LHFPL6: variants seen among roughly 807,000 people sequenced by gnomAD.
LHFPL6 encodes LHFPL tetraspan subfamily member 6 protein.
Under a neutral mutation model 20.6 loss-of-function variants are expected in LHFPL6, and 9 were observed. The observed-to-expected ratio is 0.44, with a 90% CI of 0.26 to 0.76. LHFPL6 has a LOEUF of 0.76. Among genes scored for constraint, LHFPL6 ranks in the 30% least tolerant of loss-of-function variants. LHFPL6 has a pLI of 0.20. For missense variants in LHFPL6, 218 were observed against 253.5 expected (o/e 0.86, Z 0.95); for synonymous variants, 105 against 98.7 (o/e 1.06, Z -0.38).
intron 2 of LHFPL6, among the ~76,000 whole-genome samples, chr13:39,422,015 A>G (rs1318696981): frequency 6.6e-6 from 1 of 152,164 alleles, no homozygotes; most frequent in Non-Finnish European, 1.5e-5. Flanking sequence ...TATTGTTGCT[A>G]CCATTACTAT....
chr13:39,583,684 G>A (rs1365511865), intron 2 of LHFPL6, among the ~76,000 whole-genome samples: 4 of 152,132 alleles, frequency 2.6e-5, no homozygotes, highest in East Asian at 1.9e-4. Flanking sequence ...ACTCTTCCAC[G>A]GTTTGCCTAA....
chr13:39,563,091 AACACACACACACACACACACACAC>A (rs60324329), intron 2 of LHFPL6, among the ~76,000 whole-genome samples: 96 of 135,870 alleles, frequency 7.1e-4, no homozygotes, highest in Admixed American at 3.2e-3. Context: ...CAATACTAGA[AACACACACACACACACACACACAC>A]ACACACACAC....
chr13:39,507,893 T>C (rs7983519), intron 2 of LHFPL6, among the ~76,000 whole-genome samples: 6 of 103,354 alleles, frequency 5.8e-5, no homozygotes, highest in African/African-American at 1.0e-4. Context: ...TCCCCTCCCT[T>C]CCTTCCTTCC....
intron 2 of LHFPL6, among the ~76,000 whole-genome samples, chr13:39,389,757 T>A (rs1870657004): frequency 6.6e-6 from 1 of 152,284 alleles, no homozygotes; most frequent in East Asian, 1.9e-4. Flanking sequence ...AAGCAAACTA[T>A]TTGAGGGAAA....
chr13:39,572,285 ACT>A (rs149000611), intron 2 of LHFPL6, among the ~76,000 whole-genome samples: 2 of 123,228 alleles, frequency 1.6e-5, no homozygotes, highest in African/African-American at 6.5e-5. Context: ...TATTTTTTAA[ACT>A]CTGTGTGTGT....
intron 2 of LHFPL6, among the ~76,000 whole-genome samples, chr13:39,598,588 C>A (rs1872836894): frequency 6.6e-6 from 1 of 152,038 alleles, no homozygotes; most frequent in African/African-American, 2.4e-5. Flanking sequence ...CAGAGTCTTG[C>A]TCTGTCGCCC....
Position 39,376,446 on chromosome 13 carries a change from T to C in LHFPL6, c.484+1982A>G, listed in dbSNP as rs147682360. On this transcript the variant is annotated intron_variant, in intron 3 of 3. Transcript: ENST00000379589. ...AGAGGGAAGAATAGGTAAAAGGAAA[T>C]CTCTTATTTGTTTTATCCATGCAAA... Among the ~76,000 whole-genome samples the C allele has an allele frequency of 4.6e-4, 70 of 152,234 alleles. 1 individual carries two copies. The highest frequency in any genetic ancestry group is 1.6e-3 in the African/African-American group (65 of 41,528).
chr13:39,545,393 C>T (rs1404487604), intron 2 of LHFPL6, among the ~76,000 whole-genome samples: 1 of 152,062 alleles, frequency 6.6e-6, no homozygotes, highest in Admixed American at 6.5e-5. Flanking sequence ...TAAAATGCAT[C>T]ACTTTTACAC....
At chr13:39,389,993 C>T (rs1345872033) in intron 2 of LHFPL6, among the ~76,000 whole-genome samples, 8 of 152,244 alleles carry the variant, frequency 5.3e-5, no homozygotes, top group Admixed American at 5.2e-4. Flanking sequence ...ACCAACACAT[C>T]AAGAGCACAA....
In LHFPL6 at chr13:39,536,274, A is replaced by G. The variant is rs143411201; in HGVS notation, c.385+64558T>C. ...CAAGTGATTGCTATGAAGGTAGGGG[A>G]AAAAGAATGCAGAGAAGGAGGAGTC... On this transcript the variant is annotated intron_variant, in intron 2 of 3. Transcript: ENST00000379589. Among the ~76,000 whole-genome samples, 3 of 152,290 alleles carry G rather than the reference A, an allele frequency of 2.0e-5. No individual in the cohort carries two copies. The East Asian group carries it at 5.8e-4, about 29-fold the overall frequency.
At chr13:39,590,639 A>T (rs1381693517) in intron 2 of LHFPL6, among the ~76,000 whole-genome samples, 1 of 152,214 alleles carries the variant, frequency 6.6e-6, no homozygotes, top group Non-Finnish European at 1.5e-5. Flanking sequence ...AACAGTGATG[A>T]CTTTGTGTGG....
intron 2 of LHFPL6, among the ~76,000 whole-genome samples, chr13:39,477,027 C>T (rs1873100579): frequency 6.6e-6 from 1 of 152,206 alleles, no homozygotes; most frequent in Non-Finnish European, 1.5e-5. Context: ...GAGGTTTTGA[C>T]ATTTTATAAA....
At chr13:39,485,181 G>GA (rs1351327032) in intron 2 of LHFPL6, among the ~76,000 whole-genome samples, 6 of 152,088 alleles carry the variant, frequency 3.9e-5, no homozygotes, top group African/African-American at 1.4e-4. Context: ...AAATCAGCGG[G>GA]AAAAATCATG....
At chr13:39,376,641 G>T (rs1870300920) in intron 3 of LHFPL6, among the ~76,000 whole-genome samples, 1 of 151,856 alleles carries the variant, frequency 6.6e-6, no homozygotes, top group Admixed American at 6.6e-5. Context: ...GAATCTAACA[G>T]AATTTTTTTT....
intron 2 of LHFPL6, among the ~76,000 whole-genome samples, chr13:39,404,023 C>T (rs1303467385): frequency 6.6e-6 from 1 of 152,202 alleles, no homozygotes; most frequent in South Asian, 2.1e-4. Flanking sequence ...TTGTACAAGG[C>T]AAGGTCAACT....
chr13:39,464,652 G>A (rs554618289), intron 2 of LHFPL6, among the ~76,000 whole-genome samples: 1 of 149,694 alleles, frequency 6.7e-6, no homozygotes, highest in African/African-American at 2.4e-5. Flanking sequence ...TATAACATTT[G>A]AAAGACTCAA....
At chr13:39,443,581 G>C (rs1872198827) in intron 2 of LHFPL6, among the ~76,000 whole-genome samples, 1 of 152,070 alleles carries the variant, frequency 6.6e-6, no homozygotes. Context: ...GTCAGAAGAA[G>C]ACAAGAGCTG....
intron 2 of LHFPL6, among the ~76,000 whole-genome samples, chr13:39,465,290 G>A (rs928080757): frequency 1.3e-5 from 2 of 152,116 alleles, no homozygotes; most frequent in Admixed American, 1.3e-4. Context: ...TAGAGTGACT[G>A]AGACTGCTAG....
chr13:39,487,861 C>T (rs1230065568), intron 2 of LHFPL6, among the ~76,000 whole-genome samples: 1 of 152,306 alleles, frequency 6.6e-6, no homozygotes, highest in African/African-American at 2.4e-5. Context: ...GCCTGACCAA[C>T]AGGGAGAAAC....
Sources: gnomAD v4.1 joint callset for allele counts (sites outside exome capture counted in the v4.1 genomes callset) on GRCh38, gnomAD v4.1.1 for gene constraint, MANE v1.5 for transcripts, NCBI Gene and HGNC (gene_info 2026-07-23, HGNC 2026-07-21) for gene names.